CDK17: variants seen among roughly 807,000 people sequenced by gnomAD.
CDK17 encodes the protein cyclin-dependent kinase 17.
A neutral mutation model predicts 77.6 loss-of-function variants in CDK17; 24 were observed. The ratio of observed to expected loss-of-function variants is 0.31; its 90% CI spans 0.22 to 0.44. The LOEUF is 0.44. Ranked by LOEUF, CDK17 falls within the 20% of genes least tolerant of loss-of-function variation. The pLI, the probability that CDK17 is intolerant of heterozygous loss-of-function variation, is 1.00. For synonymous variants in CDK17, 203 were observed against 210.4 expected (o/e 0.96, Z 0.30); for missense variants, 429 against 622.5 (o/e 0.69, Z 3.31).
chr12:96,306,460 G>A (rs562897032), intron 5 of CDK17, among the ~76,000 whole-genome samples: 1 of 151,554 alleles, frequency 6.6e-6, no homozygotes, highest in South Asian at 2.1e-4. Context: ...CACATTGAAA[G>A]TTTAAAACTT....
intron 5 of CDK17, among the ~76,000 whole-genome samples, chr12:96,303,737 G>A (rs1353377661): frequency 6.6e-6 from 1 of 151,954 alleles, no homozygotes; most frequent in Admixed American, 6.5e-5. Flanking sequence ...ACTGTAACTT[G>A]TAAGCAATAC....
intron 1 of CDK17, among the ~76,000 whole-genome samples, chr12:96,379,584 C>T (rs1953843139): frequency 6.6e-6 from 1 of 151,908 alleles, no homozygotes; most frequent in Non-Finnish European, 1.5e-5. Context: ...CATTACTATG[C>T]CTGGCTAATT....
chr12:96,281,803 CT>C (rs1169637267), intron 15 of CDK17: 6 of 152,186 alleles, frequency 3.9e-5, no homozygotes, highest in Non-Finnish European at 1.5e-5. Context: ...TTCCAATTAG[CT>C]TTGTCACTGA....
chr12:96,342,048 C>G (rs1301077745), intron 1 of CDK17, among the ~76,000 whole-genome samples: 1 of 152,126 alleles, frequency 6.6e-6, no homozygotes, highest in African/African-American at 2.4e-5. Flanking sequence ...TAGAACAAAT[C>G]AAGTATTGTG....
chr12:96,303,184 T>TATTC (rs1373764348), intron 5 of CDK17: 1 of 152,198 alleles, frequency 6.6e-6, no homozygotes, highest in Non-Finnish European at 1.5e-5. Flanking sequence ...AAAGCTCATT[T>TATTC]ATTCAACATT....
Position 96,283,447 on chromosome 12 carries a change from G to GT in CDK17, c.1365+155dup, listed in dbSNP as rs11345627. Among the ~76,000 whole-genome samples the GT allele has an allele frequency of 2.8e-3, 413 of 146,054 alleles. 2 individuals are homozygous for GT. The highest frequency in any genetic ancestry group is 4.4e-3 in the Non-Finnish European group (290 of 65,998). On this transcript the variant is annotated intron_variant, in intron 14 of 16. Coordinates refer to ENST00000261211, the MANE Select transcript of CDK17 (RefSeq NM_002595.5). ...ACCCAGACACATTAGGAGAAACCATGTTTTTTTTTTTTTTTTTAACTTAAA... is the reference window on the plus strand; with the variant it reads ...ACCCAGACACATTAGGAGAAACCATGTTTTTTTTTTTTTTTTTTAACTTAAA...
rs960413322 is a variant in CDK17, at chr12:96,383,672, GAGA to G, written c.-30+16311_-30+16313del. ...CAAAGTTGCCAAAAATAAACAACGGGAGAAGGACTCTCTATTCAATAAATCATG... is the reference window on the plus strand; with the variant it reads ...CAAAGTTGCCAAAAATAAACAACGGGAGGACTCTCTATTCAATAAATCATG... On this transcript the variant is annotated intron_variant, in intron 1 of 16. Coordinates refer to ENST00000261211, the MANE Select transcript of CDK17 (RefSeq NM_002595.5). Among the ~76,000 whole-genome samples, 8 of 152,272 alleles carry G rather than the reference GAGA, an allele frequency of 5.3e-5. No individual in the cohort carries two copies. In the East Asian group the frequency reaches 5.8e-4, roughly 11 times the overall value.
intron 1 of CDK17, among the ~76,000 whole-genome samples, chr12:96,369,866 G>C (rs1399711877): frequency 6.6e-6 from 1 of 152,162 alleles, no homozygotes; most frequent in African/African-American, 2.4e-5. Context: ...GGATCACGAG[G>C]TCAGGAGTTC....
chr12:96,314,740 G>A (rs374905312), intron 3 of CDK17, among the ~76,000 whole-genome samples: 96 of 152,276 alleles, frequency 6.3e-4, no homozygotes, highest in African/African-American at 2.2e-3. Context: ...TTCTATACAC[G>A]TATTCATTTT....
At chr12:96,367,110 C>T (rs1005438504) in intron 1 of CDK17, among the ~76,000 whole-genome samples, 4 of 151,676 alleles carry the variant, frequency 2.6e-5, no homozygotes, top group East Asian at 1.9e-4. Context: ...TTTGGGAGGC[C>T]GAGGCGGGCG....
At chr12:96,378,028 G>A (rs1953815172) in intron 1 of CDK17, among the ~76,000 whole-genome samples, 1 of 152,120 alleles carries the variant, frequency 6.6e-6, no homozygotes, top group East Asian at 1.9e-4. Context: ...TTTTAGTATC[G>A]TTTTAGATTT....
At chr12:96,331,674 G>C (rs1952969828) in intron 2 of CDK17, among the ~76,000 whole-genome samples, 1 of 152,110 alleles carries the variant, frequency 6.6e-6, no homozygotes, top group Non-Finnish European at 1.5e-5. Flanking sequence ...ATTGTATTTG[G>C]ATAGAGGTAG....
chr12:96,363,437 A>G (rs1001802836), intron 1 of CDK17, among the ~76,000 whole-genome samples: 62 of 125,390 alleles, frequency 4.9e-4, no homozygotes, highest in Admixed American at 2.7e-3. Flanking sequence ...GCAACAGAGC[A>G]AGACTTCGTC....
intron 1 of CDK17, among the ~76,000 whole-genome samples, chr12:96,347,628 G>A (rs1221117565): frequency 5.0e-5 from 4 of 79,500 alleles, no homozygotes; most frequent in Non-Finnish European, 1.2e-4. Flanking sequence ...GAGGGGAAGG[G>A]AGGGGAGGGG....
At position 96,334,749 on chromosome 12, in the gene CDK17, T is replaced by A. The variant is rs770353534; in HGVS notation, c.88A>T (p.Thr30Ser). ...TCCTTGCTGCTGTTTTCTTCAATAG[T>A]CATTTGTTCAGCCAATTCAGACAAT... ...ESLSELAEQM[T>S]IEENSSKDNE... Residue 30 changes from threonine to serine, a missense_variant, in exon 2 of 17, where the codon ACT becomes TCT. Thr to Ser is a moderately conservative substitution (Grantham distance 58). Transcript: ENST00000261211. 2 of 1,607,614 alleles carry A rather than the reference T, an allele frequency of 1.2e-6. No individual in the cohort carries two copies. Among genetic ancestry groups the A allele is most frequent in the Non-Finnish European group, 1.7e-6 (2 of 1,174,418 alleles).
At chr12:96,376,312 CCAAT>C (rs1470585484) in intron 1 of CDK17, among the ~76,000 whole-genome samples, 1 of 152,162 alleles carries the variant, frequency 6.6e-6, no homozygotes, top group Non-Finnish European at 1.5e-5. Context: ...GTATGTCTGT[CCAAT>C]CAAACTATTA....
At chr12:96,290,226 G>A (rs752588968) in intron 10 of CDK17, among the ~76,000 whole-genome samples, 1 of 152,200 alleles carries the variant, frequency 6.6e-6, no homozygotes, top group Non-Finnish European at 1.5e-5. Flanking sequence ...ATAAAGGCTA[G>A]AGTTTACAAC....
chr12:96,324,985 A>C (rs1417384869), intron 2 of CDK17, among the ~76,000 whole-genome samples: 1 of 152,134 alleles, frequency 6.6e-6, no homozygotes, highest in Non-Finnish European at 1.5e-5. Flanking sequence ...ACAGACCCAT[A>C]ACCAAGCAGA....
At chr12:96,381,102 C>T (rs958465355) in intron 1 of CDK17, among the ~76,000 whole-genome samples, 1 of 152,100 alleles carries the variant, frequency 6.6e-6, no homozygotes, top group Non-Finnish European at 1.5e-5. Flanking sequence ...GGTAATAACA[C>T]AAATAAACTA....
Sources: allele counts gnomAD v4.1 joint callset (sites outside exome capture counted in the v4.1 genomes callset), GRCh38; gene constraint gnomAD v4.1.1; transcripts MANE v1.5; gene names NCBI Gene and HGNC (gene_info 2026-07-23, HGNC 2026-07-21).